The following TEX10 variants were observed in gnomAD, a reference collection of about 807,000 sequenced individuals.
TEX10 encodes the protein testis-expressed protein 10.
TEX10 carries 24 observed loss-of-function variants against 104.4 expected under a neutral mutation model. The observed-to-expected ratio is 0.23, with a 90% CI of 0.17 to 0.32. The LOEUF is 0.32. Among genes scored for constraint, TEX10 ranks in the 10% least tolerant of loss-of-function variants. TEX10 has a pLI of 1.00. For synonymous variants in TEX10, 396 were observed against 393.4 expected, an observed-to-expected ratio of 1.01 and a Z score of -0.08; for missense variants, 921 against 1,083.9, an observed-to-expected ratio of 0.85 and a Z score of 2.11.
intron 3 of TEX10, 53 bp from the exon 4 acceptor site, chr9:100,346,368 C>T: frequency 6.5e-7 from 1 of 1,531,814 alleles, no homozygotes; most frequent in Admixed American, 2.1e-5. Flanking sequence ...GTTTATTATC[C>T]CTTGCTAATT....
In TEX10 at chr9:100,352,778, ACCCGGC is replaced by A. The variant is rs920168340; in HGVS notation, c.-22_-17del. ...ACGGGCGACGGCCGCTTACCTGAGG[ACCCGGC>A]CGCGGCCGGGGCGAGAAGCCCGAGA... On this transcript the variant is annotated 5_prime_UTR_variant, in exon 1 of 15. Transcript: ENST00000374902. 153 of 1,097,760 alleles carry A rather than the reference ACCCGGC, an allele frequency of 1.4e-4. 1 individual carries two copies. The highest frequency in any genetic ancestry group is 4.0e-4 in the Middle Eastern group (1 of 2,526). The allele number at this position is 1,097,760 out of a possible 1,614,324, so 68.0% of individuals were successfully genotyped here. A position where few individuals can be genotyped will look rare whatever the true frequency, so the allele number is the denominator to read the frequency against.
intron 1 of TEX10, 36 bp downstream of exon 1, chr9:100,352,736 C>T: frequency 8.4e-7 from 1 of 1,186,968 alleles, no homozygotes; most frequent in Non-Finnish European, 1.0e-6. Flanking sequence ...TCCCGCGCCC[C>T]GGGAGGACCC....
At chr9:100,341,140 T>G (rs1214615243) in intron 4 of TEX10, among the ~76,000 whole-genome samples, 1 of 152,188 alleles carries the variant, frequency 6.6e-6, no homozygotes, top group African/African-American at 2.4e-5. Flanking sequence ...CTAATTTTTG[T>G]ATTTTTAGTA....
At chr9:100,304,182 C>A in intron 13 of TEX10, 1 of 315,854 alleles carries the variant, frequency 3.2e-6, no homozygotes, top group East Asian at 6.9e-5. Flanking sequence ...CTCAAAGCAA[C>A]CTACAGATTC....
chr9:100,339,245 C>CAAAAAAAAAAAAAAAAAAAAAAA (rs1182764934), intron 5 of TEX10, among the ~76,000 whole-genome samples: 1 of 29,398 alleles, frequency 3.4e-5, no homozygotes, highest in African/African-American at 1.2e-4. Context: ...GACTCCATCT[C>CAAAAAAAAAAAAAAAAAAAAAAA]AAAAAAAAAA....
At chr9:100,324,943 T>TA (rs1834665221) in intron 9 of TEX10, among the ~76,000 whole-genome samples, 1 of 152,146 alleles carries the variant, frequency 6.6e-6, no homozygotes, top group Non-Finnish European at 1.5e-5. Flanking sequence ...CATGGGAAAC[T>TA]AATCAATATT....
intron 12 of TEX10, 92 bp from the exon 13 acceptor site, chr9:100,308,773 C>A (rs1834202354): frequency 8.1e-7 from 1 of 1,237,146 alleles, no homozygotes; most frequent in Non-Finnish European, 1.1e-6. Context: ...ATTAACTTTA[C>A]ATTATTTCTA....
At chr9:100,322,175 T>C (rs565433006) in intron 9 of TEX10, among the ~76,000 whole-genome samples, 88 of 152,320 alleles carry the variant, frequency 5.8e-4, no homozygotes, top group Non-Finnish European at 1.1e-3. Flanking sequence ...AGCTTCAGCT[T>C]CCTACATAAC....
intron 11 of TEX10, among the ~76,000 whole-genome samples, chr9:100,312,970 AG>A (rs1834316157): frequency 6.6e-6 from 1 of 152,220 alleles, no homozygotes; most frequent in Non-Finnish European, 1.5e-5. Flanking sequence ...CCCTAGAGAT[AG>A]GAAGAACATG....
Position 100,329,238 on chromosome 9 carries a change from T to C in TEX10, c.1527A>G (p.Leu509=), listed in dbSNP as rs770405485. 4 of 1,611,104 alleles carry C rather than the reference T, an allele frequency of 2.5e-6. No homozygotes were observed. The highest frequency in any genetic ancestry group is 1.7e-5 in the Admixed American group (1 of 59,286). The change falls in exon 7 of 15, where the codon TTA becomes TTG. Residue 509 remains leucine, a synonymous_variant. Transcript: ENST00000374902. The part of the protein sequence containing the change: ...TETLIKAVYT[L]YQQRGLILPV... ...GAAGGATAAGGCCCCTCTGCTGATA[T>C]AATGTATAAACTGCCTTAATAAGAG...
chr9:100,302,120 T>TA lies in TEX10; in HGVS notation c.*70dup. On this transcript the variant is annotated 3_prime_UTR_variant, in exon 15 of 15. Coordinates refer to ENST00000374902, the MANE Select transcript of TEX10 (RefSeq NM_017746.4). ...TTCAGCTTTAATGACAAAGATCTATTACATCAGTCTTTTTCTTCAAATAAG... is the reference window on the plus strand; with the variant it reads ...TTCAGCTTTAATGACAAAGATCTATTAACATCAGTCTTTTTCTTCAAATAAG... The TA allele has an allele frequency of 1.1e-6, 1 of 890,260 alleles. No homozygotes were observed. The highest frequency in any genetic ancestry group is 1.7e-6 in the Non-Finnish European group (1 of 596,050). 55.1% of individuals were successfully genotyped at this position (890,260 alleles called of 1,614,324 possible).
At chr9:100,338,076 A>T (rs1326556448) in intron 5 of TEX10, among the ~76,000 whole-genome samples, 3 of 152,138 alleles carry the variant, frequency 2.0e-5, no homozygotes, top group Non-Finnish European at 4.4e-5. Flanking sequence ...TCTGCGACCC[A>T]CATTTTTTCC....
At chr9:100,304,119 A>C in intron 13 of TEX10, 1 of 483,398 alleles carries the variant, frequency 2.1e-6, no homozygotes, top group South Asian at 2.3e-5. Context: ...AAATGGAAAA[A>C]CATTCCATGC....
Position 100,321,760 on chromosome 9 carries a change from G to C in TEX10, c.1991C>G (p.Ser664Cys), listed in dbSNP as rs1244542013. Reference sequence around the variant, plus strand: ...GTCTTTAGCTGAATACTTCCACCCAGAAAATGATGATCTATAAAAAACAAA... The same window carrying C: ...GTCTTTAGCTGAATACTTCCACCCACAAAATGATGATCTATAAAAAACAAA... ...IGILHMRSSF[S>C]GWKYSAKDWL... The change falls in exon 10 of 15, where the codon TCT (serine) becomes TGT (cysteine). Residue 664 changes from serine (S) to cysteine (C), a missense_variant. By Grantham distance (112) the Ser-to-Cys change is moderately radical. Around this residue, in one of 3 missense-constraint regions of TEX10, gnomAD observed 753 missense variants for 868.4 expected, o/e 0.87. Coordinates refer to ENST00000374902, the MANE Select transcript of TEX10 (RefSeq NM_017746.4). The C allele has an allele frequency of 1.2e-6, 2 of 1,611,560 alleles. No individual in the cohort carries two copies. The highest frequency in any genetic ancestry group is 1.7e-6 in the Non-Finnish European group (2 of 1,179,270).
chr9:100,349,403 G>T, intron 1 of TEX10, 31 bp from the exon 2 acceptor site: 2 of 1,425,464 alleles, frequency 1.4e-6, no homozygotes, highest in East Asian at 2.4e-5. Flanking sequence ...TAAAAGCAAT[G>T]GATAGAGACA....
At chr9:100,336,999 T>TC (rs1332986014) in intron 5 of TEX10, among the ~76,000 whole-genome samples, 2 of 152,192 alleles carry the variant, frequency 1.3e-5, no homozygotes, top group Non-Finnish European at 2.9e-5. Flanking sequence ...TTTTCTTTTT[T>TC]CCCATTTATA....
intron 4 of TEX10, among the ~76,000 whole-genome samples, chr9:100,345,006 T>C (rs1481743977): frequency 6.6e-6 from 1 of 152,230 alleles, no homozygotes; most frequent in Non-Finnish European, 1.5e-5. Context: ...TATACTTTTT[T>C]TAAAGGAGCT....
At position 100,349,242 on chromosome 9, in the gene TEX10, G is replaced by C; in HGVS notation, c.122C>G (p.Pro41Arg). Residue 41 changes from proline to arginine, a missense_variant, in exon 2 of 15, where the codon CCT becomes CGT. By Grantham distance (103) the Pro-to-Arg change is moderately radical (BLOSUM62 -2). Transcript: ENST00000374902. ...TGTTCCATCCTCTTTGAGTTGCTCA[G>C]GCAGATGTATAGTCTTTGTTTTAAA... is the stretch of plus-strand genomic sequence containing the variant. ...TNFKTKTIHL[P>R]EQLKEDGTLP... 1 of 1,596,572 alleles carries C rather than the reference G, an allele frequency of 6.3e-7. No homozygotes were observed. The highest frequency in any genetic ancestry group is 8.5e-7 in the Non-Finnish European group (1 of 1,174,482).
At chr9:100,337,103 G>A (rs1047770017) in intron 5 of TEX10, among the ~76,000 whole-genome samples, 6 of 152,146 alleles carry the variant, frequency 3.9e-5, no homozygotes, top group Non-Finnish European at 8.8e-5. Flanking sequence ...ACATACTCCT[G>A]TATTAACCTA....
Sources: gnomAD v4.1 joint callset for allele counts (sites outside exome capture counted in the v4.1 genomes callset) on GRCh38, gnomAD v4.1.1 for gene constraint, gnomAD v4.1.1 regional missense constraint, MANE v1.5 for transcripts, NCBI Gene and HGNC (gene_info 2026-07-23, HGNC 2026-07-21) for gene names.